INTS6L: variants seen among roughly 807,000 people sequenced by gnomAD.
INTS6L encodes the protein integrator complex subunit 6-like.
In INTS6L, 18 loss-of-function variants were observed where a neutral mutation model predicts 64.7. That is an observed-to-expected ratio of 0.28 (90% CI 0.19 to 0.41). INTS6L has a LOEUF of 0.41. INTS6L is among the 10% of genes least tolerant of loss of function. The pLI, the probability that INTS6L is intolerant of heterozygous loss-of-function variation, is 1.00. For missense variants in INTS6L, 533 were observed against 661.0 expected (o/e 0.81, Z 2.12); for synonymous variants, 227 against 235.9 (o/e 0.96, Z 0.34).
intron 8 of INTS6L, 106 bp downstream of exon 8, chrX:135,552,252 C>T (rs946435750): frequency 1.9e-4 from 173 of 889,507 alleles, no homozygotes; most frequent in Admixed American, 2.6e-4. Context: ...ACTGACTGTG[C>T]TAATGATGTT....
At chrX:135,548,893 GAGA>G (rs1313856507) in intron 6 of INTS6L, among the ~76,000 whole-genome samples, 1 of 111,950 alleles carries the variant, frequency 8.9e-6, no homozygotes, top group Non-Finnish European at 1.9e-5. Context: ...GAGGCGGGGG[GAGA>G]AGGAGGAAGG....
chrX:135,569,898 T>A (rs1232469216), intron 10 of INTS6L: 3 of 113,861 alleles, frequency 2.6e-5, no homozygotes, highest in African/African-American at 9.7e-5. Context: ...AGAGGCGGAA[T>A]CCAAAAAAAT....
chrX:135,572,177 A>G (rs1485670932), intron 11 of INTS6L: 1 of 112,211 alleles, frequency 8.9e-6, no homozygotes, highest in Non-Finnish European at 1.9e-5. Flanking sequence ...TGCCAAATAT[A>G]TATTGCTATA....
chrX:135,538,080 A>G (rs2148592136), intron 2 of INTS6L, among the ~76,000 whole-genome samples: 1 of 112,188 alleles, frequency 8.9e-6, no homozygotes, highest in African/African-American at 3.2e-5. Context: ...GCAATTTCTT[A>G]AAATAAGACA....
chrX:135,521,407 C>G, intron 2 of INTS6L, 89 bp downstream of exon 2: 1 of 960,499 alleles, frequency 1.0e-6, no homozygotes, highest in Non-Finnish European at 1.4e-6. Flanking sequence ...TAAGGCGGTC[C>G]TGCGTCGCCC....
intron 7 of INTS6L, among the ~76,000 whole-genome samples, chrX:135,551,785 G>A (rs2086510066): frequency 9.0e-6 from 1 of 111,095 alleles, no homozygotes; most frequent in Non-Finnish European, 1.9e-5. Context: ...TCTTCCTAAT[G>A]TCAAGTAGAT....
chrX:135,539,837 A>G (rs1556511777), intron 2 of INTS6L, among the ~76,000 whole-genome samples: 1 of 111,748 alleles, frequency 8.9e-6, no homozygotes, highest in African/African-American at 3.3e-5. Context: ...TCGATGGAGC[A>G]GTTAGGACAC....
rs149168136 is a variant in INTS6L, at chrX:135,573,958, A to G, written c.1637A>G (p.Tyr546Cys). ...LLNKDLKPQT[Y>C]RNAYDIPRRG... ...AAATAGGATTTGAAACCTCAGACAT[A>G]CAGAAATGCTTATGATATTCCCCGT... Residue 546 changes from tyrosine (Y) to cysteine (C), a missense_variant, in exon 13 of 18, where the codon TAC (tyrosine) becomes TGC (cysteine). Transcript: ENST00000639893. 1.2e-4 allele frequency: 138 copies of G among 1,198,771 alleles called. No homozygotes were observed. The Middle Eastern group carries it at 2.6e-3, about 22-fold the overall frequency.
At chrX:135,554,959 C>G (rs2086608609) in intron 8 of INTS6L, among the ~76,000 whole-genome samples, 1 of 83,649 alleles carries the variant, frequency 1.2e-5, no homozygotes, top group Non-Finnish European at 2.1e-5. Context: ...GGCACAATCT[C>G]AGCTCACTGC....
intron 2 of INTS6L, among the ~76,000 whole-genome samples, chrX:135,534,908 A>G (rs956974150): frequency 9.1e-5 from 10 of 110,214 alleles, no homozygotes; most frequent in African/African-American, 3.3e-4. Flanking sequence ...GGCTCCAGTG[A>G]TCCTCTCTCC....
Position 135,552,091 on chromosome X carries a change from C to T in INTS6L, c.1004C>T (p.Pro335Leu). 3 of 1,209,182 alleles carry T rather than the reference C, an allele frequency of 2.5e-6. No homozygotes were observed. The highest frequency in any genetic ancestry group is 3.4e-6 in the Non-Finnish European group (3 of 894,661). Residue 335 changes from proline (P) to leucine (L), a missense_variant, in exon 8 of 18, where the codon CCT becomes CTT. Pro to Leu is a moderately conservative substitution (Grantham distance 98). Coordinates refer to ENST00000639893, the MANE Select transcript of INTS6L (RefSeq NM_001351601.3). ...KLPFDKYELE[P>L]SPLTQYILER... ...CCTTTTGACAAATATGAACTTGAAC[C>T]TTCGCCCTTAACTCAGTATATCTTG... is the stretch of plus-strand genomic sequence containing the variant.
chrX:135,547,398 C>T, intron 6 of INTS6L, 133 bp downstream of exon 6: 1 of 715,277 alleles, frequency 1.4e-6, no homozygotes. Context: ...CAAACAACTA[C>T]CACACATTCA....
In INTS6L at chrX:135,579,673, T is replaced by C. The variant is rs2087321325; in HGVS notation, c.2120-115T>C. 2.9e-6 allele frequency: 3 copies of C among 1,018,127 alleles called. No individual in the cohort carries two copies. The South Asian group carries it at 8.8e-5, about 30-fold the overall frequency. The allele number at this position is 1,018,127 out of a possible 1,213,427, so 83.9% of individuals were successfully genotyped here. On this transcript the variant is annotated intron_variant, in intron 15 of 17. Transcript: ENST00000639893. Reference sequence around the variant, plus strand: ...TGAGGGGTCTCAGATCGCCACCTGGTATATCATCCTGCTTTATGAGATAAT... The same window carrying C: ...TGAGGGGTCTCAGATCGCCACCTGGCATATCATCCTGCTTTATGAGATAAT...
At chrX:135,562,221 CT>C (rs1424381568) in intron 9 of INTS6L, among the ~76,000 whole-genome samples, 1 of 111,497 alleles carries the variant, frequency 9.0e-6, no homozygotes, top group African/African-American at 3.3e-5. Flanking sequence ...ATTCACTTTA[CT>C]TTGTCTTTTG....
intron 2 of INTS6L, among the ~76,000 whole-genome samples, chrX:135,526,758 C>T (rs782201104): frequency 2.7e-4 from 30 of 111,128 alleles, no homozygotes; most frequent in African/African-American, 9.8e-4. Flanking sequence ...TCCCTAGTAC[C>T]TAAGGGGGTG....
intron 11 of INTS6L, chrX:135,570,835 C>T: frequency 4.3e-6 from 1 of 232,874 alleles, no homozygotes; most frequent in African/African-American, 2.8e-5. Flanking sequence ...TCATGGGTCA[C>T]ATTTTGTCTA....
chrX:135,543,602 C>T (rs146204732), intron 2 of INTS6L, among the ~76,000 whole-genome samples: 509 of 111,733 alleles, frequency 4.6e-3, no homozygotes, highest in East Asian at 0.022. Flanking sequence ...ATCCCCAGCA[C>T]GTAGCATTCT....
chrX:135,569,304 A>G (rs782673284), intron 9 of INTS6L, 33 bp from the exon 10 acceptor site: 9 of 1,012,393 alleles, frequency 8.9e-6, no homozygotes, highest in Non-Finnish European at 1.2e-5. Context: ...GCTCAGGACT[A>G]GAATGATGTA....
At chrX:135,543,206 G>A (rs1168366259) in intron 2 of INTS6L, among the ~76,000 whole-genome samples, 2 of 111,144 alleles carry the variant, frequency 1.8e-5, no homozygotes, top group African/African-American at 3.3e-5. Flanking sequence ...ACCACTCCCC[G>A]GATTTAAAAC....
Sources: gnomAD v4.1 joint callset for allele counts (sites outside exome capture counted in the v4.1 genomes callset) on GRCh38, gnomAD v4.1.1 for gene constraint, MANE v1.5 for transcripts, NCBI Gene and HGNC (gene_info 2026-07-23, HGNC 2026-07-21) for gene names.